SSPN: variants seen among roughly 807,000 people sequenced by gnomAD.
The protein encoded by SSPN is K-ras oncogene-associated protein.
In SSPN, 15 loss-of-function variants were observed where a neutral mutation model predicts 19.1. That is an observed-to-expected ratio of 0.78 (90% CI 0.52 to 1.21). The LOEUF is 1.21. Among genes scored for constraint, SSPN ranks in the 50% most tolerant of loss-of-function variants. The probability of loss-of-function intolerance (pLI) is 0.00; values close to 1 mark genes in which losing one functional copy is unlikely to be tolerated. For synonymous variants in SSPN, 147 were observed against 140.3 expected (o/e 1.05, Z -0.34); for missense variants, 291 against 314.0 (o/e 0.93, Z 0.55).
At chr12:26,198,358 G>C (rs575935292) in intron 1 of SSPN, among the ~76,000 whole-genome samples, 26 of 152,328 alleles carry the variant, frequency 1.7e-4, no homozygotes, top group African/African-American at 5.8e-4. Context: ...ATGCTAACTT[G>C]TGTGCCGAAT....
rs1944906286 is a variant in SSPN, at chr12:26,203,753, T to A, written c.279+7802T>A. ...GACTGGGTGACTTAAACAGCAAACA[T>A]TCATTTTCTCACAGTTCTGGAGACG... is the stretch of plus-strand genomic sequence containing the variant. On this transcript the variant is annotated intron_variant, in intron 1 of 2. Coordinates refer to ENST00000242729, the MANE Select transcript of SSPN (RefSeq NM_005086.5). 2.0e-5 allele frequency among the ~76,000 whole-genome samples: 3 copies of A among 152,178 alleles called. No individual in the cohort carries two copies. The South Asian group carries it at 6.2e-4, about 32-fold the overall frequency.
At position 26,230,762 on chromosome 12, in the gene SSPN, G is replaced by T; in HGVS notation, c.418G>T (p.Val140Leu). 1 of 1,614,152 alleles carries T rather than the reference G, an allele frequency of 6.2e-7. No homozygotes were observed. Among genetic ancestry groups the T allele is most frequent in the Non-Finnish European group, 8.5e-7 (1 of 1,180,026 alleles). The stretch of plus-strand genomic sequence containing the variant: ...GGGCCTGACGGTCTGTGTGCTGGCC[G>T]TGGCCTTTGCCGCCCACCACTATTC... ...ALGLTVCVLA[V>L]AFAAHHYSQL... Residue 140 changes from valine to leucine, a missense_variant, in exon 3 of 3, where the codon GTG becomes TTG. Physicochemically the swap from Val to Leu is conservative, Grantham distance 32. Coordinates refer to ENST00000242729, the MANE Select transcript of SSPN (RefSeq NM_005086.5).
At chr12:26,160,404 A>T (rs78008669) in intron 1 of SSPN, among the ~76,000 whole-genome samples, 2,061 of 152,316 alleles carry the variant, frequency 0.014, 46 homozygotes, top group African/African-American at 0.047. Context: ...TTTGCAGGTC[A>T]AAGTAATCAC....
At chr12:26,133,203 A>C (rs1204285113) in intron 1 of SSPN, among the ~76,000 whole-genome samples, 1 of 152,206 alleles carries the variant, frequency 6.6e-6, no homozygotes, top group Non-Finnish European at 1.5e-5. Context: ...GGTCAGCTTA[A>C]TGTCTACATC....
In SSPN at chr12:26,140,364, T is replaced by C. The variant is rs185954896; in HGVS notation, c.-31+18212T>C. ...TTTTATTAATTTTCTACATTGAACC[T>C]ATCAGCAAGTTCTGTTTCTTCTATT... On this transcript the variant is annotated intron_variant, in intron 1 of 2. Transcript: ENST00000538142. 7.2e-5 allele frequency among the ~76,000 whole-genome samples: 11 copies of C among 152,322 alleles called. No homozygotes were observed. The East Asian group carries it at 2.1e-3, about 29-fold the overall frequency.
intron 1 of SSPN, among the ~76,000 whole-genome samples, chr12:26,203,656 C>T (rs1049822577): frequency 3.9e-5 from 6 of 152,196 alleles, no homozygotes; most frequent in Admixed American, 2.0e-4. Flanking sequence ...TACACCTACA[C>T]ATATGGCATT....
At chr12:26,158,844 G>A (rs140042491) in intron 1 of SSPN, among the ~76,000 whole-genome samples, 1 of 152,372 alleles carries the variant, frequency 6.6e-6, no homozygotes, top group Non-Finnish European at 1.5e-5. Context: ...CTCATACCAT[G>A]GGCAGGACAT....
intron 1 of SSPN, among the ~76,000 whole-genome samples, chr12:26,181,807 CAGG>C (rs1171369582): frequency 6.6e-6 from 1 of 152,164 alleles, no homozygotes; most frequent in African/African-American, 2.4e-5. Flanking sequence ...AACTTAAAAA[CAGG>C]AGGTCAAAGA....
At chr12:26,226,226 AC>A (rs1945174528) in intron 2 of SSPN, among the ~76,000 whole-genome samples, 1 of 152,170 alleles carries the variant, frequency 6.6e-6, no homozygotes, top group South Asian at 2.1e-4. Flanking sequence ...TTCCAATGAC[AC>A]AACAGGGGAC....
intron 2 of SSPN, among the ~76,000 whole-genome samples, chr12:26,225,262 A>AC (rs1217386675): frequency 6.6e-6 from 1 of 151,602 alleles, no homozygotes; most frequent in African/African-American, 2.4e-5. Flanking sequence ...CTAAGGTGAA[A>AC]AAAATAAGGT....
At chr12:26,122,612 TGCCGCCGCCGCCGCGCCGCCCCCCGG>T (rs1944321053) in intron 1 of SSPN, 4 of 1,130,288 alleles carry the variant, frequency 3.5e-6, no homozygotes, top group Non-Finnish European at 4.3e-6. Flanking sequence ...GAAGCGCGGC[TGCCGCCGCCGCCGCGCCGCCCCCCGG>T]GCCGCCGCCG....
chr12:26,178,893 C>T (rs1209473516), intron 1 of SSPN, among the ~76,000 whole-genome samples: 1 of 152,216 alleles, frequency 6.6e-6, no homozygotes, highest in African/African-American at 2.4e-5. Flanking sequence ...TTCATTAAAT[C>T]ATTCACTTAT....
intron 1 of SSPN, among the ~76,000 whole-genome samples, chr12:26,151,451 C>T (rs1319218274): frequency 6.6e-6 from 1 of 152,136 alleles, no homozygotes; most frequent in Non-Finnish European, 1.5e-5. Context: ...CCCTTAAAAT[C>T]CTCAATTGGG....
intron 1 of SSPN, among the ~76,000 whole-genome samples, chr12:26,166,450 C>CT (rs1944621814): frequency 6.6e-6 from 1 of 152,184 alleles, no homozygotes; most frequent in South Asian, 2.1e-4. Context: ...AGCTAAAAAA[C>CT]TGGCTGATTG....
At position 26,146,874 on chromosome 12, in the gene SSPN, A is replaced by C. The variant is rs149762469; in HGVS notation, c.-31+24722A>C. Among the ~76,000 whole-genome samples, 46 of 152,126 alleles carry C rather than the reference A, an allele frequency of 3.0e-4. No individual in the cohort carries two copies. In the East Asian group the frequency reaches 7.0e-3, roughly 23 times the overall value. On this transcript the variant is annotated intron_variant, in intron 1 of 2. Coordinates refer to the SSPN transcript ENST00000538142. ...CCAACAATAAGGTCAATAAGCTTTAAACTTTAAGATTTGATTGATTCAACC... is the reference window on the plus strand; with the variant it reads ...CCAACAATAAGGTCAATAAGCTTTACACTTTAAGATTTGATTGATTCAACC...
intron 1 of SSPN, among the ~76,000 whole-genome samples, chr12:26,161,921 C>T (rs1944591575): frequency 3.3e-5 from 5 of 152,310 alleles, no homozygotes; most frequent in South Asian, 2.1e-4. Context: ...ACTCACCAGC[C>T]GCTCACCCCA....
In SSPN at chr12:26,232,459, A is replaced by G; in HGVS notation, c.*1383A>G. ...AATTCATGAAACATAAATGGTATCA[A>G]GAACTTTATCAGTATGCTTTGTTGA... On this transcript the variant is annotated 3_prime_UTR_variant, in exon 3 of 3. Transcript: ENST00000242729. 1.0e-6 allele frequency: 1 copy of G among 985,480 alleles called. No individual in the cohort carries two copies. Among genetic ancestry groups the G allele is most frequent in the Non-Finnish European group, 1.2e-6 (1 of 829,932 alleles). The allele number at this position is 985,480 out of a possible 1,614,324, so 61.0% of individuals were successfully genotyped here.
chr12:26,179,190 C>G (rs1944702923), intron 1 of SSPN, among the ~76,000 whole-genome samples: 2 of 152,154 alleles, frequency 1.3e-5, no homozygotes, highest in Non-Finnish European at 2.9e-5. Context: ...AAGAGCATCT[C>G]AGGCACAGAG....
chr12:26,177,384 C>A (rs1944690908), intron 1 of SSPN, among the ~76,000 whole-genome samples: 1 of 152,164 alleles, frequency 6.6e-6, no homozygotes, highest in East Asian at 1.9e-4. Context: ...CCCCTGGACA[C>A]CTTCGTCTGC....
Sources: allele counts gnomAD v4.1 joint callset (sites outside exome capture counted in the v4.1 genomes callset), GRCh38; gene constraint gnomAD v4.1.1; transcripts MANE v1.5; gene names NCBI Gene and HGNC (gene_info 2026-07-23, HGNC 2026-07-21).